SIPA1L2: variants seen among roughly 807,000 people sequenced by gnomAD.
SIPA1L2 encodes signal-induced proliferation-associated 1-like protein 2.
In SIPA1L2, 56 loss-of-function variants were observed where a neutral mutation model predicts 163.9. That is an observed-to-expected ratio of 0.34 (90% CI 0.28 to 0.43). SIPA1L2 has a LOEUF of 0.43. SIPA1L2 is among the 20% of genes least tolerant of loss of function. The probability of loss-of-function intolerance (pLI) is 1.00; values close to 1 mark genes in which losing one functional copy is unlikely to be tolerated. For synonymous variants in SIPA1L2, 877 were observed against 865.7 expected (o/e 1.01, Z -0.23); for missense variants, 1,974 against 2,193.5 (o/e 0.90, Z 2.00).
intron 3 of SIPA1L2, among the ~76,000 whole-genome samples, chr1:232,503,594 A>C (rs756892707): frequency 3.9e-5 from 6 of 152,244 alleles, no homozygotes; most frequent in Non-Finnish European, 8.8e-5. Flanking sequence ...CAAGGCCACA[A>C]ACAACTGTGC....
At chr1:232,423,391 T>G (rs1210963750) in intron 18 of SIPA1L2, among the ~76,000 whole-genome samples, 1 of 152,204 alleles carries the variant, frequency 6.6e-6, no homozygotes, top group Non-Finnish European at 1.5e-5. Context: ...ACAATTAGAT[T>G]CTGGAAGCTT....
intron 2 of SIPA1L2, among the ~76,000 whole-genome samples, chr1:232,545,391 G>A (rs765877450): frequency 5.3e-5 from 8 of 152,186 alleles, no homozygotes; most frequent in Non-Finnish European, 8.8e-5. Context: ...ATGAGGCTCC[G>A]TGTGGGCGCC....
intron 1 of SIPA1L2, among the ~76,000 whole-genome samples, chr1:232,581,258 G>C (rs1301789564): frequency 6.6e-6 from 1 of 152,174 alleles, no homozygotes; most frequent in Non-Finnish European, 1.5e-5. Flanking sequence ...TCGGTGACTA[G>C]TTCAAGGATA....
At chr1:232,498,696 A>T (rs751156094) in intron 3 of SIPA1L2, among the ~76,000 whole-genome samples, 10 of 152,130 alleles carry the variant, frequency 6.6e-5, no homozygotes, top group Admixed American at 1.3e-4. Flanking sequence ...TTCAGTGGTC[A>T]CATTGCCTTT....
intron 1 of SIPA1L2, among the ~76,000 whole-genome samples, chr1:232,598,276 G>A (rs1032102470): frequency 9.9e-5 from 15 of 151,808 alleles, no homozygotes; most frequent in South Asian, 2.1e-4. Flanking sequence ...GTGCTGGTGC[G>A]CACCTGTAGT....
chr1:232,492,205 G>A (rs553292152), intron 4 of SIPA1L2, among the ~76,000 whole-genome samples: 13 of 152,156 alleles, frequency 8.5e-5, no homozygotes, highest in Admixed American at 4.6e-4. Context: ...CTGGAAACTA[G>A]AAAAGGGCTC....
intron 2 of SIPA1L2, among the ~76,000 whole-genome samples, chr1:232,537,719 G>A (rs1275898038): frequency 6.6e-6 from 1 of 152,166 alleles, no homozygotes; most frequent in Admixed American, 6.5e-5. Flanking sequence ...TAACCTTTGT[G>A]AGCCTCGATT....
chr1:232,473,617 A>G (rs1048622950), intron 7 of SIPA1L2, among the ~76,000 whole-genome samples: 1 of 152,242 alleles, frequency 6.6e-6, no homozygotes, highest in Admixed American at 6.5e-5. Context: ...TTAAAGCACA[A>G]GTTAAAGCAC....
In SIPA1L2 at chr1:232,465,067, C is replaced by T. The variant is rs553774818; in HGVS notation, c.2593G>A (p.Gly865Ser). 7.0e-5 allele frequency: 113 copies of T among 1,614,130 alleles called. No individual in the cohort carries two copies. In the South Asian group the frequency reaches 1.0e-3, roughly 15 times the overall value. ...AGACATTCAATGTCAGCAGACTGGC[C>T]GAAGTCCCGGGCTATCACGTGCCAC... ...IMWHVIARDF[G>S]QSADIECLLG... The change falls in exon 9 of 23, where the codon GGC (glycine) becomes AGC (serine). Residue 865 changes from glycine (G) to serine (S), a missense_variant. Transcript: ENST00000674635. This position sits in a 1 kb window ranked among gnomAD's most constrained non-coding sequence, Gnocchi z 4.1.
chr1:232,490,725 TA>T, intron 5 of SIPA1L2, 148 bp downstream of exon 5: 1 of 827,052 alleles, frequency 1.2e-6, no homozygotes, highest in Non-Finnish European at 1.9e-6. Flanking sequence ...CAAACTAGTA[TA>T]AAAACATATT....
intron 6 of SIPA1L2, among the ~76,000 whole-genome samples, chr1:232,480,192 T>TG (rs1558210858): frequency 1.4e-3 from 117 of 83,204 alleles, no homozygotes; most frequent in Non-Finnish European, 2.1e-3. Flanking sequence ...TGTGTGTGTG[T>TG]TTTTACAGTT....
Position 232,630,072 on chromosome 1 carries a change from G to A in SIPA1L2, c.-522C>T, listed in dbSNP as rs1663308220. 1.3e-5 allele frequency among the ~76,000 whole-genome samples: 2 copies of A among 150,284 alleles called. No individual in the cohort carries two copies. Among genetic ancestry groups the A allele is most frequent in the Admixed American group, 6.6e-5 (1 of 15,130 alleles). ...GCGCTCGGGCGGCCGGCGGGGGCGC[G>A]GTGCTCCTCCTCCGTCCTCCTCCTC... On this transcript the variant is annotated 5_prime_UTR_variant, in exon 1 of 23. Coordinates refer to ENST00000674635, the MANE Select transcript of SIPA1L2 (RefSeq NM_020808.5).
chr1:232,625,058 G>C (rs1436559152), intron 1 of SIPA1L2, among the ~76,000 whole-genome samples: 1 of 152,136 alleles, frequency 6.6e-6, no homozygotes, highest in African/African-American at 2.4e-5. Flanking sequence ...CGTTACTAGG[G>C]ACACACTGAA....
intron 1 of SIPA1L2, among the ~76,000 whole-genome samples, chr1:232,574,882 T>C (rs544267765): frequency 2.3e-4 from 35 of 152,202 alleles, no homozygotes; most frequent in Non-Finnish European, 4.4e-4. Flanking sequence ...ATATATGTTA[T>C]TTCCAAACTC....
chr1:232,435,949 C>T (rs1012885638), intron 15 of SIPA1L2, among the ~76,000 whole-genome samples: 13 of 152,016 alleles, frequency 8.6e-5, no homozygotes, highest in African/African-American at 2.2e-4. Flanking sequence ...ATTTAACTCC[C>T]GGGTGGCTGC....
intron 2 of SIPA1L2, among the ~76,000 whole-genome samples, chr1:232,550,686 A>G (rs146398656): frequency 9.4e-4 from 143 of 152,374 alleles, no homozygotes; most frequent in African/African-American, 3.3e-3. Context: ...TTCTTAATGC[A>G]GACAACAGAA....
intron 3 of SIPA1L2, among the ~76,000 whole-genome samples, chr1:232,501,048 G>GTTTT (rs1421294418): frequency 1.7e-5 from 1 of 58,452 alleles, no homozygotes; most frequent in Non-Finnish European, 3.7e-5. Context: ...TAGCAATGAA[G>GTTTT]TATTTTTTTT....
Position 232,514,181 on chromosome 1 carries a change from G to A in SIPA1L2, c.1159C>T (p.Leu387Phe). The change falls in exon 3 of 23, where the codon CTC becomes TTC. Residue 387 changes from leucine (L) to phenylalanine (F), a missense_variant. Leu to Phe is a conservative substitution (Grantham distance 22, BLOSUM62 0). This residue lies in a region of SIPA1L2 where 607 missense variants were observed against 624.0 expected (regional missense o/e 0.97). Transcript: ENST00000674635. ...CESPLGSKED[L>F]NSKENLDADE... ...GCATCCAGGTTCTCTTTGGAGTTGA[G>A]GTCCTCCTTGCTCCCTAAAGGGGAC... The A allele has an allele frequency of 1.2e-6, 2 of 1,614,220 alleles. No homozygotes were observed. Among genetic ancestry groups the A allele is most frequent in the Admixed American group, 1.7e-5 (1 of 60,032 alleles).
At chr1:232,433,140 T>C (rs1572890332) in intron 15 of SIPA1L2, among the ~76,000 whole-genome samples, 1 of 152,158 alleles carries the variant, frequency 6.6e-6, no homozygotes, top group Non-Finnish European at 1.5e-5. Flanking sequence ...AACTCCCCAA[T>C]GGCAGCAACC....
Sources: allele counts gnomAD v4.1 joint callset (sites outside exome capture counted in the v4.1 genomes callset), GRCh38; gene constraint gnomAD v4.1.1; regional missense constraint gnomAD v4.1.1; non-coding constraint Gnocchi (gnomAD v3.1); transcripts MANE v1.5; gene names NCBI Gene and HGNC (gene_info 2026-07-23, HGNC 2026-07-21).